Variants in INTS6 observed in about 807,000 individuals in gnomAD.
INTS6 encodes DEAD box protein.
Under a neutral mutation model 104.9 loss-of-function variants are expected in INTS6, and 16 were observed. The observed-to-expected ratio is 0.15, with a 90% CI of 0.10 to 0.23. The LOEUF (loss-of-function observed/expected upper bound fraction) is 0.23. Among genes scored for constraint, INTS6 ranks in the 10% least tolerant of loss-of-function variants. The pLI is 1.00. For missense variants in INTS6, 584 were observed against 1,062.8 expected (o/e 0.55, Z 6.26); for synonymous variants, 324 against 358.7 (o/e 0.90, Z 1.09).
the INTS6 span, among the ~76,000 whole-genome samples, chr13:51,337,984 C>G: frequency 6.6e-6 from 1 of 152,182 alleles, no homozygotes; most frequent in South Asian, 2.1e-4. Context: ...GTTCATCTTT[C>G]ATTCATTCAC....
intron 4 of INTS6, among the ~76,000 whole-genome samples, chr13:51,424,366 C>A (rs939845506): frequency 1.3e-5 from 2 of 151,580 alleles, no homozygotes; most frequent in East Asian, 3.8e-4. Flanking sequence ...TTTCTTACTA[C>A]ATGATCTTGA....
downstream of INTS6, among the ~76,000 whole-genome samples, chr13:51,360,369 C>T (rs1955553820): frequency 6.6e-6 from 1 of 152,026 alleles, no homozygotes; most frequent in South Asian, 2.1e-4. Context: ...ATATTCTCAA[C>T]TCTGCTTTTC....
intron 17 of INTS6, 53 bp from the exon 18 acceptor site, chr13:51,365,898 AT>A (rs764215478): frequency 5.1e-5 from 52 of 1,014,846 alleles, no homozygotes; most frequent in Non-Finnish European, 6.9e-5. Flanking sequence ...AATAGTATAT[AT>A]CAGTATAATT....
intron 3 of INTS6, chr13:51,438,600 T>G (rs1301533821): frequency 1.3e-5 from 2 of 152,220 alleles, no homozygotes; most frequent in African/African-American, 4.8e-5. Context: ...CCATTCTGAA[T>G]TAAAAATAAA....
intron 3 of INTS6, among the ~76,000 whole-genome samples, chr13:51,431,603 TCA>T (rs763654672): frequency 6.6e-5 from 10 of 152,170 alleles, no homozygotes; most frequent in Admixed American, 1.3e-4. Flanking sequence ...TTGAATGAAT[TCA>T]CAGTTAGTTA....
chr13:51,376,953 G>T (rs1382906788), intron 12 of INTS6, among the ~76,000 whole-genome samples: 1 of 152,118 alleles, frequency 6.6e-6, no homozygotes, highest in Non-Finnish European at 1.5e-5. Context: ...ATGACTGATT[G>T]TACAGCAAAT....
chr13:51,383,173 C>T (rs575354026), intron 9 of INTS6, among the ~76,000 whole-genome samples, 156 bp downstream of exon 9: 10 of 148,226 alleles, frequency 6.7e-5, no homozygotes, highest in East Asian at 2.0e-4. Context: ...ACTGTAAACA[C>T]GAACAGATTG....
At chr13:51,416,041 A>G (rs1286497979) in intron 4 of INTS6, among the ~76,000 whole-genome samples, 1 of 152,216 alleles carries the variant, frequency 6.6e-6, no homozygotes, top group Non-Finnish European at 1.5e-5. Context: ...AACATCATGA[A>G]AGAAAAACTA....
chr13:51,347,156 C>A, the INTS6 span: 1 of 1,614,010 alleles, frequency 6.2e-7, no homozygotes, highest in South Asian at 1.1e-5. Flanking sequence ...CACAGACACA[C>A]AGATCCTGCC....
chr13:51,378,094 A>T, intron 12 of INTS6, 145 bp downstream of exon 12: 1 of 627,220 alleles, frequency 1.6e-6, no homozygotes, highest in Non-Finnish European at 2.9e-6. Context: ...TCTAGCAGTG[A>T]CAGTATAATG....
At chr13:51,341,492 C>G in the INTS6 span, 1 of 837,878 alleles carries the variant, frequency 1.2e-6, no homozygotes, top group African/African-American at 1.7e-5. Flanking sequence ...CCAGCTCACC[C>G]TGCTGCTCAG....
chr13:51,381,911 C>T (rs1262895309), intron 10 of INTS6, 118 bp downstream of exon 10: 2 of 439,188 alleles, frequency 4.6e-6, no homozygotes, highest in Non-Finnish European at 8.2e-6. Context: ...CCATGTTGGC[C>T]AGGCTGGTCT....
At chr13:51,370,124 C>T (rs1186345639) in intron 15 of INTS6, among the ~76,000 whole-genome samples, 2 of 152,050 alleles carry the variant, frequency 1.3e-5, no homozygotes, top group African/African-American at 4.8e-5. Context: ...TGACTCTCTC[C>T]TAAATTCGAT....
chr13:51,368,791 GAATAA>G, intron 16 of INTS6, 143 bp downstream of exon 16: 1 of 813,334 alleles, frequency 1.2e-6, no homozygotes. Context: ...TTGGTCAGAT[GAATAA>G]AGGATCTTAA....
At chr13:51,388,646 G>C (rs1244160201) in intron 6 of INTS6, among the ~76,000 whole-genome samples, 1 of 152,152 alleles carries the variant, frequency 6.6e-6, no homozygotes, top group African/African-American at 2.4e-5. Context: ...ACCCACCTTG[G>C]CCTCCCAAAG....
rs187334251 is a variant in INTS6, at chr13:51,418,537, A to G, written c.429+11757T>C. Among the ~76,000 whole-genome samples the G allele has an allele frequency of 5.3e-5, 8 of 152,324 alleles. No homozygotes were observed. In the East Asian group the frequency reaches 1.5e-3, roughly 29 times the overall value. On this transcript the variant is annotated intron_variant, in intron 4 of 17. Coordinates refer to ENST00000311234, the MANE Select transcript of INTS6 (RefSeq NM_012141.3). ...ATCCTGTCTCAAAAAAAATTATTAA[A>G]GTCAAAGTGAATCCCATAAAACTTA... is the stretch of plus-strand genomic sequence containing the variant.
chr13:51,359,966 A>AT (rs1457814027), downstream of INTS6, among the ~76,000 whole-genome samples: 1 of 152,110 alleles, frequency 6.6e-6, no homozygotes, highest in Non-Finnish European at 1.5e-5. Flanking sequence ...GTTTCTATTG[A>AT]TTTTTACTTC....
intron 4 of INTS6, among the ~76,000 whole-genome samples, chr13:51,417,340 G>C (rs1274758600): frequency 6.6e-6 from 1 of 151,970 alleles, no homozygotes; most frequent in Non-Finnish European, 1.5e-5. Flanking sequence ...TCTTATATTT[G>C]GGTCTTTGAT....
chr13:51,380,580 T>C (rs925003832), intron 10 of INTS6, among the ~76,000 whole-genome samples: 3 of 152,160 alleles, frequency 2.0e-5, no homozygotes, highest in African/African-American at 4.8e-5. Context: ...ACACAACTTA[T>C]CTGTTAGAAC....
Sources: gnomAD v4.1 joint callset for allele counts (sites outside exome capture counted in the v4.1 genomes callset) on GRCh38, gnomAD v4.1.1 for gene constraint, MANE v1.5 for transcripts, NCBI Gene and HGNC (gene_info 2026-07-23, HGNC 2026-07-21) for gene names.